The following FBXL4 variants were observed in gnomAD, a reference collection of about 807,000 sequenced individuals.
FBXL4 encodes F-box/LRR-repeat protein 4.
FBXL4 carries 40 observed loss-of-function variants against 58.9 expected under a neutral mutation model. That is an observed-to-expected ratio of 0.68 (90% CI 0.53 to 0.88). FBXL4 has a LOEUF of 0.88. Among genes scored for constraint, FBXL4 ranks in the 40% least tolerant of loss-of-function variants. FBXL4 has a pLI of 0.00. For missense variants in FBXL4, 676 were observed against 734.4 expected, an observed-to-expected ratio of 0.92 and a Z score of 0.92; for synonymous variants, 263 against 265.5, an observed-to-expected ratio of 0.99 and a Z score of 0.09.
chr6:98,933,760 T>C (rs1346691488), intron 2 of FBXL4, among the ~76,000 whole-genome samples: 1 of 152,186 alleles, frequency 6.6e-6, no homozygotes, highest in Admixed American at 6.5e-5. Context: ...TAAACATCTG[T>C]TGTTTTACGG....
rs377550308 is a variant in FBXL4 at position 98,899,460 on chromosome 6, G to A, written c.1125C>T (p.Ser375=). 50 of 1,612,644 alleles carry A rather than the reference G, an allele frequency of 3.1e-5. No homozygotes were observed. The highest frequency in any genetic ancestry group is 2.5e-4 in the African/African-American group (19 of 74,840). ...GFSRFLKVCG[S]ELVRLELSCS... ...AAGACAATTCAAGGCGTACTAATTC[G>A]GATCCACAAACCTTCAGAAACCTGC... Residue 375 remains serine, a synonymous_variant, in exon 7 of 10, where the codon TCC becomes TCT. Transcript: ENST00000369244.
chr6:98,891,440 C>T (rs1771221852), intron 7 of FBXL4, among the ~76,000 whole-genome samples: 1 of 152,152 alleles, frequency 6.6e-6, no homozygotes, highest in African/African-American at 2.4e-5. Context: ...TGTTCACACA[C>T]CTTTGCCTTG....
rs1288662318 is a variant in FBXL4, at chr6:98,871,858, A to G, written c.*2420T>C. The G allele has an allele frequency of 6.6e-6, 1 of 152,214 alleles. No homozygotes were observed. The highest frequency in any genetic ancestry group is 1.5e-5 in the Non-Finnish European group (1 of 68,032). The allele number at this position is 152,214 out of a possible 1,614,324, so 9.4% of individuals were successfully genotyped here. On this transcript the variant is annotated 3_prime_UTR_variant, in exon 10 of 10. Coordinates refer to ENST00000369244, the MANE Select transcript of FBXL4 (RefSeq NM_001278716.2). ...AGTTCTATTGTGAGCTTTTGCGTTC[A>G]GGGCTGATATTGACATTTTTCTGAA...
chr6:98,909,710 C>A (rs1201866193), intron 5 of FBXL4, among the ~76,000 whole-genome samples: 1 of 152,162 alleles, frequency 6.6e-6, no homozygotes, highest in East Asian at 1.9e-4. Context: ...TGAGGAGCAA[C>A]ACTGTCAGTA....
At chr6:98,896,312 C>A (rs939306589) in intron 7 of FBXL4, among the ~76,000 whole-genome samples, 1 of 152,146 alleles carries the variant, frequency 6.6e-6, no homozygotes, top group Non-Finnish European at 1.5e-5. Context: ...TAACGCTTTG[C>A]TTAAGTGACA....
At chr6:98,898,893 G>C in intron 7 of FBXL4, 2 of 985,342 alleles carry the variant, frequency 2.0e-6, no homozygotes, top group Non-Finnish European at 2.4e-6. Flanking sequence ...GTCTGGTCCA[G>C]GATAAATATC....
intron 7 of FBXL4, among the ~76,000 whole-genome samples, chr6:98,886,979 T>A (rs945844390): frequency 6.6e-6 from 1 of 152,178 alleles, no homozygotes; most frequent in Non-Finnish European, 1.5e-5. Context: ...CCAGGTGTGG[T>A]GGCTCACGCC....
In FBXL4 at chr6:98,874,275, A is replaced by G. The variant is rs115180578; in HGVS notation, c.*3T>C. 4,683 of 1,576,458 alleles carry G rather than the reference A, an allele frequency of 3.0e-3. 116 individuals carry two copies. The African/African-American group carries it at 0.057, about 19-fold the overall frequency. On this transcript the variant is annotated 3_prime_UTR_variant, in exon 10 of 10. Coordinates refer to ENST00000369244, the MANE Select transcript of FBXL4 (RefSeq NM_001278716.2). ...TTAATTTTAATACAGAACATATATT[A>G]AGTCACTGAGTAAAGCTCTTTTTTA...
In FBXL4 at chr6:98,926,940, T is replaced by A. The variant is rs754509338; in HGVS notation, c.49A>T (p.Ile17Leu). ...GTCCTGGCTCGGCGCCGAAGGCATA[T>A]ATAATAAAACATGGTCAGAACTGTT... ...MLTVLTMFYY[I>L]CLRRRARTAT... Residue 17 changes from isoleucine (I) to leucine (L), a missense_variant, in exon 4 of 10, where the codon ATA becomes TTA. Ile to Leu is a conservative substitution (Grantham distance 5). Transcript: ENST00000369244. 5.0e-6 allele frequency: 8 copies of A among 1,614,156 alleles called. No individual in the cohort carries two copies. The highest frequency in any genetic ancestry group is 3.3e-5 in the South Asian group (3 of 91,080).
chr6:98,932,009 G>A lies in FBXL4; in HGVS notation c.-191+2753C>T, dbSNP rs576799125. Among the ~76,000 whole-genome samples the A allele has an allele frequency of 5.3e-5, 8 of 152,280 alleles. No individual in the cohort carries two copies. In the East Asian group the frequency reaches 1.3e-3, roughly 26 times the overall value. On this transcript the variant is annotated intron_variant, in intron 2 of 9. Coordinates refer to ENST00000369244, the MANE Select transcript of FBXL4 (RefSeq NM_001278716.2). ...ATACAATAACTCTATTTTATAAGGA[G>A]AATGGGATTCAAAGATAAAATTATT...
At chr6:98,913,417 T>C (rs898283280) in intron 5 of FBXL4, among the ~76,000 whole-genome samples, 11 of 152,310 alleles carry the variant, frequency 7.2e-5, no homozygotes, top group African/African-American at 2.6e-4. Context: ...ATTGACCACA[T>C]AGTTGGAAGT....
intron 7 of FBXL4, chr6:98,896,969 G>C (rs1358086407): frequency 2.0e-5 from 20 of 985,026 alleles, no homozygotes; most frequent in Admixed American, 6.2e-5. Flanking sequence ...CTGACACTTA[G>C]ATCACATTAC....
chr6:98,874,532 T>G (rs1770586180), intron 9 of FBXL4, 91 bp from the exon 10 acceptor site: 8 of 1,337,828 alleles, frequency 6.0e-6, no homozygotes, highest in Admixed American at 2.7e-5. Flanking sequence ...CATGATTTAT[T>G]GTTTGTAATG....
chr6:98,907,930 T>C (rs1771875200), intron 5 of FBXL4, among the ~76,000 whole-genome samples: 1 of 152,180 alleles, frequency 6.6e-6, no homozygotes, highest in Non-Finnish European at 1.5e-5. Context: ...TTTACTGACT[T>C]TCTAATCTGC....
chr6:98,906,438 T>C (rs1771816458), intron 5 of FBXL4, among the ~76,000 whole-genome samples: 1 of 151,934 alleles, frequency 6.6e-6, no homozygotes, highest in South Asian at 2.1e-4. Flanking sequence ...TGTCTGTTCC[T>C]GTGTTAGTTT....
chr6:98,875,786 G>C (rs1770641768), intron 8 of FBXL4, 59 bp from the exon 9 acceptor site: 2 of 1,494,714 alleles, frequency 1.3e-6, no homozygotes, highest in Non-Finnish European at 1.9e-6. Flanking sequence ...AAACTGTTTA[G>C]AGTAAGTCAG....
rs981195904 is a variant in FBXL4, at chr6:98,873,340, TATA to T, written c.*935_*937del. 70 of 147,970 alleles carry T rather than the reference TATA, an allele frequency of 4.7e-4. No homozygotes were observed. Among genetic ancestry groups the T allele is most frequent in the African/African-American group, 1.5e-3 (61 of 40,840 alleles). The allele number at this position is 147,970 out of a possible 1,614,324, so 9.2% of individuals were successfully genotyped here. On this transcript the variant is annotated 3_prime_UTR_variant, in exon 10 of 10. Transcript: ENST00000369244. ...ATCATAAATGTGGATATATATTATCTATAATATGTATATATAATGTGTATATAT... is the reference window on the plus strand; with the variant it reads ...ATCATAAATGTGGATATATATTATCTATATGTATATATAATGTGTATATAT...
intron 7 of FBXL4, among the ~76,000 whole-genome samples, chr6:98,892,797 T>C (rs1163620373): frequency 6.6e-6 from 1 of 152,200 alleles, no homozygotes; most frequent in Non-Finnish European, 1.5e-5. Flanking sequence ...GAGGGGTCCT[T>C]GAAACTGTCG....
At chr6:98,933,723 G>A (rs1044411480) in intron 2 of FBXL4, among the ~76,000 whole-genome samples, 27 of 152,164 alleles carry the variant, frequency 1.8e-4, no homozygotes, top group African/African-American at 6.5e-4. Flanking sequence ...TACCCTTAGA[G>A]TCTAGCACAT....
Sources: gnomAD v4.1 joint callset for allele counts (sites outside exome capture counted in the v4.1 genomes callset) on GRCh38, gnomAD v4.1.1 for gene constraint, MANE v1.5 for transcripts, NCBI Gene and HGNC (gene_info 2026-07-23, HGNC 2026-07-21) for gene names.